The following IGFBP2 variants were observed in gnomAD, a reference collection of about 807,000 sequenced individuals.
IGFBP2 encodes insulin-like growth factor-binding protein 2.
IGFBP2 carries 12 observed loss-of-function variants against 26.2 expected under a neutral mutation model. The observed-to-expected ratio is 0.46, with a 90% confidence interval of 0.29 to 0.74. The LOEUF is 0.74. Ranked by LOEUF, IGFBP2 falls within the 30% of genes least tolerant of loss-of-function variation. The probability of loss-of-function intolerance (pLI) is 0.09; values close to 1 mark genes in which losing one functional copy is unlikely to be tolerated. For synonymous variants in IGFBP2, 189 were observed against 200.6 expected (o/e 0.94, Z 0.49); for missense variants, 328 against 441.2 (o/e 0.74, Z 2.30).
chr2:216,654,004 C>T (rs1271830750), intron 1 of IGFBP2, among the ~76,000 whole-genome samples: 3 of 152,182 alleles, frequency 2.0e-5, no homozygotes, highest in Admixed American at 1.3e-4. Context: ...GTGACCTTTG[C>T]ACCATAGCCC....
At chr2:216,649,712 A>G (rs1037099371) in intron 1 of IGFBP2, among the ~76,000 whole-genome samples, 1 of 152,138 alleles carries the variant, frequency 6.6e-6, no homozygotes, top group African/African-American at 2.4e-5. Context: ...TGTTTTCTCA[A>G]ACTGTCTGCC....
intron 1 of IGFBP2, among the ~76,000 whole-genome samples, chr2:216,646,189 A>G (rs1367860394): frequency 1.3e-5 from 2 of 152,202 alleles, no homozygotes; most frequent in East Asian, 3.8e-4. Flanking sequence ...CAGGCCTGGA[A>G]TATCTGAGAG....
At chr2:216,642,687 A>G (rs1291254020) in intron 1 of IGFBP2, among the ~76,000 whole-genome samples, 4 of 152,134 alleles carry the variant, frequency 2.6e-5, no homozygotes, top group Non-Finnish European at 5.9e-5. Flanking sequence ...TGTTTTTGGT[A>G]TGGGAGCTTC....
intron 1 of IGFBP2, among the ~76,000 whole-genome samples, chr2:216,642,891 T>A (rs932718513): frequency 6.6e-6 from 1 of 152,168 alleles, no homozygotes; most frequent in Non-Finnish European, 1.5e-5. Flanking sequence ...CTCTGGAGAA[T>A]CCCTGAGGCT....
At chr2:216,643,296 C>G (rs1697651293) in intron 1 of IGFBP2, among the ~76,000 whole-genome samples, 1 of 152,152 alleles carries the variant, frequency 6.6e-6, no homozygotes, top group Non-Finnish European at 1.5e-5. Flanking sequence ...CATAGAAACG[C>G]TGGGTTGGGG....
intron 1 of IGFBP2, among the ~76,000 whole-genome samples, chr2:216,645,408 T>G (rs1397707556): frequency 6.6e-6 from 1 of 152,232 alleles, no homozygotes; most frequent in Admixed American, 6.5e-5. Flanking sequence ...CCTTAGGTGA[T>G]GCCAAGTGAC....
intron 1 of IGFBP2, among the ~76,000 whole-genome samples, chr2:216,637,259 T>TCACC (rs1208702243): frequency 3.3e-5 from 5 of 152,030 alleles, no homozygotes; most frequent in Non-Finnish European, 2.9e-5. Context: ...GCTGCCTGAG[T>TCACC]CACCAGTCAC....
At chr2:216,637,567 C>T (rs1477465436) in intron 1 of IGFBP2, among the ~76,000 whole-genome samples, 2 of 152,262 alleles carry the variant, frequency 1.3e-5, no homozygotes, top group African/African-American at 4.8e-5. Flanking sequence ...TGGTAATGAC[C>T]CACTTCTTTA....
intron 1 of IGFBP2, among the ~76,000 whole-genome samples, chr2:216,655,661 G>T (rs968188034): frequency 2.0e-5 from 3 of 152,140 alleles, no homozygotes; most frequent in Non-Finnish European, 4.4e-5. Context: ...CACTTTGGGA[G>T]ACCGAGGTGG....
intron 1 of IGFBP2, among the ~76,000 whole-genome samples, chr2:216,642,867 G>A (rs1300372976): frequency 6.6e-6 from 1 of 152,192 alleles, no homozygotes. Flanking sequence ...CCTTCTGGCT[G>A]TCAGTGTCCA....
Position 216,661,908 on chromosome 2 carries a change from G to A in IGFBP2, c.723G>A (p.Met241Ile). 6.2e-7 allele frequency: 1 copy of A among 1,614,222 alleles called. No homozygotes were observed. The highest frequency in any genetic ancestry group is 2.2e-5 in the East Asian group (1 of 44,884). ...AGGTCCTGGAGCGGATCTCCACCAT[G>A]CGCCTTCCGGATGAGCGGGGCCCTC... ...LDQVLERIST[M>I]RLPDERGPLE... Residue 241 changes from methionine (M) to isoleucine (I), a missense_variant, in exon 3 of 4, where the codon ATG (methionine) becomes ATA (isoleucine). Coordinates refer to ENST00000233809, the MANE Select transcript of IGFBP2 (RefSeq NM_000597.3).
At chr2:216,635,171 A>G (rs1304263810) in intron 1 of IGFBP2, among the ~76,000 whole-genome samples, 1 of 151,886 alleles carries the variant, frequency 6.6e-6, no homozygotes, top group Non-Finnish European at 1.5e-5. Flanking sequence ...GTTCTCCTTG[A>G]GAATGGAATT....
intron 1 of IGFBP2, among the ~76,000 whole-genome samples, chr2:216,640,997 G>C (rs1207681980): frequency 6.6e-6 from 1 of 152,166 alleles, no homozygotes; most frequent in Non-Finnish European, 1.5e-5. Flanking sequence ...CAGGCAGCCT[G>C]GCCTTTGCTG....
chr2:216,643,644 CACTA>C (rs1325490484), intron 1 of IGFBP2, among the ~76,000 whole-genome samples: 2 of 151,762 alleles, frequency 1.3e-5, no homozygotes, highest in Non-Finnish European at 1.5e-5. Flanking sequence ...AATACACTAA[CACTA>C]ACCATAGCTG....
intron 1 of IGFBP2, among the ~76,000 whole-genome samples, chr2:216,654,425 A>G (rs1448084949): frequency 6.6e-6 from 1 of 152,236 alleles, no homozygotes; most frequent in African/African-American, 2.4e-5. Flanking sequence ...ATGGAAGCAC[A>G]GAGAGCTTAA....
intron 1 of IGFBP2, among the ~76,000 whole-genome samples, chr2:216,644,874 C>T (rs943686079): frequency 6.6e-6 from 1 of 152,228 alleles, no homozygotes; most frequent in African/African-American, 2.4e-5. Flanking sequence ...TAGTCTGGGT[C>T]TCTAGATTCT....
intron 1 of IGFBP2, among the ~76,000 whole-genome samples, chr2:216,639,569 T>G (rs550755529): frequency 1.1e-3 from 173 of 151,618 alleles, no homozygotes; most frequent in Middle Eastern, 6.8e-3. Flanking sequence ...CTTGTTTTTT[T>G]TTTGTTTGTT....
At chr2:216,636,755 A>G (rs1459227829) in intron 1 of IGFBP2, among the ~76,000 whole-genome samples, 2 of 152,122 alleles carry the variant, frequency 1.3e-5, no homozygotes, top group South Asian at 4.1e-4. Flanking sequence ...GCTGGGCTAG[A>G]CCGGTTCCTT....
chr2:216,639,151 G>A (rs1285332586), intron 1 of IGFBP2, among the ~76,000 whole-genome samples: 1 of 151,792 alleles, frequency 6.6e-6, no homozygotes, highest in Non-Finnish European at 1.5e-5. Context: ...TCCTGCCTCA[G>A]CCTCCCGAGT....
Sources: gnomAD v4.1 joint callset for allele counts (sites outside exome capture counted in the v4.1 genomes callset) on GRCh38, gnomAD v4.1.1 for gene constraint, MANE v1.5 for transcripts, NCBI Gene and HGNC (gene_info 2026-07-23, HGNC 2026-07-21) for gene names.